Variants in TFRC observed in about 807,000 individuals in gnomAD.
The protein encoded by TFRC is transferrin receptor.
TFRC carries 35 observed loss-of-function variants against 85.8 expected under a neutral mutation model. The observed-to-expected ratio is 0.41, with a 90% CI of 0.31 to 0.54. The LOEUF is 0.54. TFRC is among the 20% of genes least tolerant of loss of function. The pLI is 0.31. For missense variants in TFRC, 828 were observed against 921.5 expected (o/e 0.90, Z 1.31); for synonymous variants, 362 against 328.6 (o/e 1.10, Z -1.10).
rs1298004536 is a variant in TFRC, at chr3:196,075,260, T to C, written c.137A>G (p.Glu46Gly). 2.5e-6 allele frequency: 4 copies of C among 1,614,128 alleles called. No individual in the cohort carries two copies. The African/African-American group carries it at 4.0e-5, about 16-fold the overall frequency. ...VEMKLAVDEE[E>G]NADNNTKANV... is the part of the protein sequence containing the mutation. ...GGCCTTTGTGTTATTGTCAGCATTT[T>C]CTTCTTCATCTACAGCAAGTTTCAT... The change falls in exon 3 of 19, where the codon GAA becomes GGA. Residue 46 changes from glutamate to glycine, a missense_variant. Glu to Gly is a moderately conservative substitution (Grantham distance 98). Coordinates refer to ENST00000360110, the MANE Select transcript of TFRC (RefSeq NM_001128148.3).
Position 196,050,889 on chromosome 3 carries a change from T to C in TFRC, c.*1053A>G. 4.9e-6 allele frequency: 1 copy of C among 202,112 alleles called. No homozygotes were observed. Among genetic ancestry groups the C allele is most frequent in the East Asian group, 7.7e-5 (1 of 13,034 alleles). The allele number at this position is 202,112 out of a possible 1,614,324, so 12.5% of individuals were successfully genotyped here. A position where few individuals can be genotyped will look rare whatever the true frequency, so the allele number is the denominator to read the frequency against. ...GGCTGTTTTCTAAAACCCTTAAGTG[T>C]TGACCATAAATGCAAAACTTCCAGT... On this transcript the variant is annotated 3_prime_UTR_variant, in exon 19 of 19. Transcript: ENST00000360110.
chr3:196,071,927 A>T (rs1718242394), intron 5 of TFRC, 76 bp downstream of exon 5: 1 of 1,523,590 alleles, frequency 6.6e-7, no homozygotes, highest in Non-Finnish European at 8.9e-7. Flanking sequence ...CAACACTAAC[A>T]AAAAGTCTTT....
chr3:196,049,510 G>C lies in TFRC; in HGVS notation c.*2432C>G. The C allele has an allele frequency of 4.6e-6, 1 of 219,626 alleles. No homozygotes were observed. The highest frequency in any genetic ancestry group is 9.1e-6 in the Non-Finnish European group (1 of 109,512). The allele number at this position is 219,626 out of a possible 1,614,324, so 13.6% of individuals were successfully genotyped here. ...CCTCCAAAAGGCCCATCTCCTTAAC[G>C]AGAAGACATCTCAAGACCAGGAGCT... On this transcript the variant is annotated 3_prime_UTR_variant, in exon 19 of 19. Coordinates refer to ENST00000360110, the MANE Select transcript of TFRC (RefSeq NM_001128148.3).
Position 196,066,432 on chromosome 3 carries a change from G to A in TFRC, c.1041-832C>T, listed in dbSNP as rs1434782930. 3.3e-5 allele frequency among the ~76,000 whole-genome samples: 5 copies of A among 152,160 alleles called. No individual in the cohort carries two copies. The East Asian group carries it at 9.6e-4, about 29-fold the overall frequency. ...ATCATGCCACTGCACTCCTGCCTGG[G>A]CAACAGAGTGAGACTGTCAAAATAA... On this transcript the variant is annotated intron_variant, in intron 9 of 18. Coordinates refer to ENST00000360110, the MANE Select transcript of TFRC (RefSeq NM_001128148.3).
Position 196,075,361 on chromosome 3 carries a change from C to T in TFRC, c.37-1G>A. ...TATATGACAATGGTTCTCCACCAAA[C>T]TGTGTTGCGGAAAAAGGCATGATGA... On this transcript the variant is annotated splice_acceptor_variant, in intron 2 of 18. Coordinates refer to ENST00000360110, the MANE Select transcript of TFRC (RefSeq NM_001128148.3). LOFTEE classifies it high-confidence loss of function. 2 of 1,614,054 alleles carry T rather than the reference C, an allele frequency of 1.2e-6. No homozygotes were observed. The highest frequency in any genetic ancestry group is 1.7e-6 in the Non-Finnish European group (2 of 1,179,968).
intron 4 of TFRC, 144 bp downstream of exon 4, chr3:196,073,786 C>A: frequency 1.2e-6 from 1 of 804,816 alleles, no homozygotes; most frequent in Non-Finnish European, 1.8e-6. Flanking sequence ...TTTTTACAGG[C>A]CCCTTCCCCT....
intron 7 of TFRC, among the ~76,000 whole-genome samples, chr3:196,068,791 G>T (rs1717947873): frequency 6.6e-6 from 1 of 151,012 alleles, no homozygotes; most frequent in Non-Finnish European, 1.5e-5. Flanking sequence ...AGCCAGGCAT[G>T]GTGGTGGTGG....
At chr3:196,058,183 C>A in intron 16 of TFRC, 101 bp downstream of exon 16, 1 of 905,548 alleles carries the variant, frequency 1.1e-6, no homozygotes, top group Non-Finnish European at 1.8e-6. Context: ...ACATAGTTGA[C>A]TATAGCACAG....
intron 7 of TFRC, among the ~76,000 whole-genome samples, chr3:196,068,479 C>T (rs541333861): frequency 6.6e-6 from 1 of 151,728 alleles, no homozygotes; most frequent in South Asian, 2.1e-4. Context: ...GGCGCAGTGG[C>T]TGGCGCCTGT....
At chr3:196,072,253 T>G in intron 4 of TFRC, 101 bp from the exon 5 acceptor site, 1 of 1,442,336 alleles carries the variant, frequency 6.9e-7, no homozygotes, top group Non-Finnish European at 9.4e-7. Flanking sequence ...ATATTATCCC[T>G]CATAGTTCAG....
chr3:196,080,625 A>G (rs962582073), intron 1 of TFRC, among the ~76,000 whole-genome samples: 2 of 152,284 alleles, frequency 1.3e-5, no homozygotes, highest in African/African-American at 2.4e-5. Context: ...ATCAGAGGCA[A>G]GTAACTGCCT....
At position 196,051,785 on chromosome 3, in the gene TFRC, A is replaced by T; in HGVS notation, c.*157T>A. The T allele has an allele frequency of 1.3e-6, 1 of 796,712 alleles. No individual in the cohort carries two copies. Among genetic ancestry groups the T allele is most frequent in the East Asian group, 2.6e-5 (1 of 38,450 alleles). 49.4% of individuals were successfully genotyped at this position (796,712 alleles called of 1,614,324 possible). A position where few individuals can be genotyped will look rare whatever the true frequency, so the allele number is the denominator to read the frequency against. On this transcript the variant is annotated 3_prime_UTR_variant, in exon 19 of 19. Transcript: ENST00000360110. ...TTGAAGTACAGGTTATCTACCCTGT[A>T]TTAAAAGCTGCTGCCTAAAGACATC...
At chr3:196,064,638 C>T (rs749458284) in intron 10 of TFRC, among the ~76,000 whole-genome samples, 1 of 152,150 alleles carries the variant, frequency 6.6e-6, no homozygotes, top group African/African-American at 2.4e-5. Context: ...TTTTCCTACA[C>T]TACTAATTAA....
intron 9 of TFRC, among the ~76,000 whole-genome samples, chr3:196,065,984 T>C (rs1369317562): frequency 6.9e-6 from 1 of 144,658 alleles, no homozygotes; most frequent in Non-Finnish European, 1.5e-5. Context: ...GCACAAGTCC[T>C]GTCTCAAAAA....
At chr3:196,081,538 T>TCCTGGAGCAGCCACGTGTTCC (rs1164714909) in intron 1 of TFRC, among the ~76,000 whole-genome samples, 1 of 152,164 alleles carries the variant, frequency 6.6e-6, no homozygotes, top group African/African-American at 2.4e-5. Context: ...TGGGGCGACT[T>TCCTGGAGCAGCCACGTGTTCC]CCTGGAGCAG....
intron 4 of TFRC, among the ~76,000 whole-genome samples, chr3:196,073,047 A>AACAAAAAAAC (rs756106120): frequency 2.7e-5 from 3 of 110,582 alleles, no homozygotes; most frequent in Non-Finnish European, 4.1e-5. Flanking sequence ...AAAAAAAAAA[A>AACAAAAAAAC]AAAAAAAAAA....
intron 1 of TFRC, among the ~76,000 whole-genome samples, chr3:196,078,119 A>C (rs972999005): frequency 1.3e-5 from 2 of 152,196 alleles, no homozygotes; most frequent in African/African-American, 4.8e-5. Context: ...CTCTGTAATC[A>C]AAGTCCTAAG....
intron 14 of TFRC, 85 bp downstream of exon 14, chr3:196,060,095 T>G: frequency 2.8e-6 from 3 of 1,055,358 alleles, no homozygotes; most frequent in Non-Finnish European, 4.2e-6. Flanking sequence ...TGTTACTGAC[T>G]ACGGTTTACA....
At chr3:196,062,820 C>G (rs41297459) in intron 12 of TFRC, 34 bp downstream of exon 12, 4 of 1,603,602 alleles carry the variant, frequency 2.5e-6, no homozygotes, top group African/African-American at 1.3e-5. Flanking sequence ...CCCACAAGCT[C>G]GTGTCCAATA....
Sources: gnomAD v4.1 joint callset for allele counts (sites outside exome capture counted in the v4.1 genomes callset) on GRCh38, gnomAD v4.1.1 for gene constraint, MANE v1.5 for transcripts, NCBI Gene and HGNC (gene_info 2026-07-23, HGNC 2026-07-21) for gene names.